PLXDC2: variants seen among roughly 807,000 people sequenced by gnomAD.
PLXDC2 encodes plexin domain-containing protein 2.
In PLXDC2, 40 loss-of-function variants were observed where a neutral mutation model predicts 68.9. That is an observed-to-expected ratio of 0.58 (90% CI 0.45 to 0.76). The LOEUF (loss-of-function observed/expected upper bound fraction) is 0.76, where lower values mean the gene tolerates loss of function less well. Among genes scored for constraint, PLXDC2 ranks in the 30% least tolerant of loss-of-function variants. The probability of loss-of-function intolerance (pLI) is 0.00; values close to 1 mark genes in which losing one functional copy is unlikely to be tolerated. For missense variants in PLXDC2, 644 were observed against 661.9 expected, an observed-to-expected ratio of 0.97 and a Z score of 0.30; for synonymous variants, 243 against 234.2, an observed-to-expected ratio of 1.04 and a Z score of -0.34.
At chr10:20,237,241 T>C (rs1408559701) in intron 12 of PLXDC2, among the ~76,000 whole-genome samples, 1 of 152,148 alleles carries the variant, frequency 6.6e-6, no homozygotes, top group African/African-American at 2.4e-5. Context: ...ACATGAATTG[T>C]GAATGTATTG....
At chr10:20,272,847 G>A (rs1237881264) in intron 13 of PLXDC2, among the ~76,000 whole-genome samples, 1 of 152,140 alleles carries the variant, frequency 6.6e-6, no homozygotes, top group Non-Finnish European at 1.5e-5. Context: ...TTAGTCCAAT[G>A]TTATCACTTA....
chr10:20,082,795 C>T (rs928538061), intron 4 of PLXDC2, among the ~76,000 whole-genome samples: 1 of 152,100 alleles, frequency 6.6e-6, no homozygotes, highest in Non-Finnish European at 1.5e-5. Flanking sequence ...TGAGGATGTT[C>T]AGGTTTTGGA....
At chr10:20,177,277 C>A in intron 8 of PLXDC2, 51 bp from the exon 9 acceptor site, 1 of 1,460,814 alleles carries the variant, frequency 6.8e-7, no homozygotes, top group Non-Finnish European at 9.6e-7. Flanking sequence ...ATCTCTTTCC[C>A]CTCCAAGTTG....
chr10:20,242,395 A>G (rs1359890804), intron 12 of PLXDC2, among the ~76,000 whole-genome samples: 1 of 152,138 alleles, frequency 6.6e-6, no homozygotes, highest in Non-Finnish European at 1.5e-5. Flanking sequence ...GTACTCTCCT[A>G]AGAACTTTAT....
chr10:19,868,445 C>T (rs1837462692), intron 1 of PLXDC2, among the ~76,000 whole-genome samples: 2 of 152,176 alleles, frequency 1.3e-5, no homozygotes, highest in Non-Finnish European at 2.9e-5. Flanking sequence ...CAACGTTTAG[C>T]AAACTATTGG....
intron 3 of PLXDC2, among the ~76,000 whole-genome samples, chr10:20,047,541 T>A (rs2358914): frequency 0.2 from 30,084 of 152,030 alleles, 4,195 homozygotes; most frequent in East Asian, 0.6. Flanking sequence ...CAGACTGATA[T>A]TTTAAACCTG....
At position 19,817,017 on chromosome 10, in the gene PLXDC2, A is replaced by T. The variant is rs1836356751; in HGVS notation, c.-63A>T. ...CGTTTGGCCCGGTCGTGCCTATTGCATCGGGAGCCCCCGAGCACCGGCGAA... is the reference window on the plus strand; with the variant it reads ...CGTTTGGCCCGGTCGTGCCTATTGCTTCGGGAGCCCCCGAGCACCGGCGAA... On this transcript the variant is annotated 5_prime_UTR_variant, in exon 1 of 14. Coordinates refer to ENST00000377252, the MANE Select transcript of PLXDC2 (RefSeq NM_032812.9). 4 of 1,306,908 alleles carry T rather than the reference A, an allele frequency of 3.1e-6. No homozygotes were observed. In the South Asian group the frequency reaches 5.1e-5, roughly 17 times the overall value. 81.0% of individuals were successfully genotyped at this position (1,306,908 alleles called of 1,614,324 possible). A position where few individuals can be genotyped will look rare whatever the true frequency, so the allele number is the denominator to read the frequency against.
intron 13 of PLXDC2, among the ~76,000 whole-genome samples, chr10:20,267,918 C>T (rs1419379146): frequency 6.6e-6 from 1 of 151,522 alleles, no homozygotes; most frequent in African/African-American, 2.4e-5. Context: ...ATATCATTAC[C>T]ATGGTTATCA....
chr10:19,922,231 G>A (rs967836434), intron 1 of PLXDC2, among the ~76,000 whole-genome samples: 10 of 152,186 alleles, frequency 6.6e-5, no homozygotes, highest in Admixed American at 2.6e-4. Flanking sequence ...TCTACAGGCT[G>A]GCAGAGGCTC....
intron 2 of PLXDC2, among the ~76,000 whole-genome samples, chr10:20,012,964 A>G (rs1177251648): frequency 6.6e-6 from 1 of 152,222 alleles, no homozygotes; most frequent in African/African-American, 2.4e-5. Context: ...ATTAAATTGA[A>G]GTAATAGTTT....
At chr10:20,009,877 T>C (rs1835082882) in intron 2 of PLXDC2, among the ~76,000 whole-genome samples, 1 of 151,888 alleles carries the variant, frequency 6.6e-6, no homozygotes, top group South Asian at 2.1e-4. Context: ...AAGTTTGCAA[T>C]GATGCTCCTA....
intron 9 of PLXDC2, among the ~76,000 whole-genome samples, chr10:20,206,348 T>A (rs1834991391): frequency 1.3e-5 from 2 of 152,122 alleles, no homozygotes; most frequent in South Asian, 4.1e-4. Flanking sequence ...AGTGGACATT[T>A]GCACTTGGTG....
At chr10:20,134,649 C>A (rs1297343789) in intron 4 of PLXDC2, among the ~76,000 whole-genome samples, 2 of 152,178 alleles carry the variant, frequency 1.3e-5, no homozygotes, top group Admixed American at 1.3e-4. Context: ...GGGAATCAAC[C>A]TGGCACAAGG....
intron 3 of PLXDC2, among the ~76,000 whole-genome samples, chr10:20,063,239 T>G (rs10827945): frequency 0.15 from 22,208 of 152,194 alleles, 1,897 homozygotes; most frequent in South Asian, 0.3. Flanking sequence ...GATCAGCAAT[T>G]ATTAAAATCA....
At chr10:19,947,757 AT>A (rs1398804817) in intron 1 of PLXDC2, among the ~76,000 whole-genome samples, 1 of 89,088 alleles carries the variant, frequency 1.1e-5, no homozygotes, top group Non-Finnish European at 2.3e-5. Flanking sequence ...TTAACAAGTT[AT>A]AACTTTTACT....
intron 3 of PLXDC2, among the ~76,000 whole-genome samples, chr10:20,057,267 A>G (rs910847911): frequency 1.3e-5 from 2 of 152,174 alleles, no homozygotes; most frequent in African/African-American, 4.8e-5. Flanking sequence ...GAGTAAACAC[A>G]TCTGAAAGCA....
intron 2 of PLXDC2, among the ~76,000 whole-genome samples, chr10:20,040,468 C>T (rs1345641555): frequency 1.3e-5 from 2 of 152,184 alleles, no homozygotes; most frequent in African/African-American, 4.8e-5. Flanking sequence ...TTTCTACTTT[C>T]ATGAATACTC....
chr10:19,982,612 A>T (rs548751811), intron 1 of PLXDC2, among the ~76,000 whole-genome samples: 1 of 152,206 alleles, frequency 6.6e-6, no homozygotes, highest in East Asian at 1.9e-4. Flanking sequence ...AATAGAAAAC[A>T]TGCTCACTAG....
rs138352210 is a variant in PLXDC2, at chr10:19,845,996, A to G, written c.112+28805A>G. ...GCCCTGGAGTTGAATCCCACCTCCT[A>G]CCTCAGTAGGTCTCTATCTATGGAG... is the stretch of plus-strand genomic sequence containing the variant. On this transcript the variant is annotated intron_variant, in intron 1 of 13. Coordinates refer to ENST00000377252, the MANE Select transcript of PLXDC2 (RefSeq NM_032812.9). Among the ~76,000 whole-genome samples the G allele has an allele frequency of 3.4e-3, 518 of 152,160 alleles. 2 individuals carry two copies. The highest frequency in any genetic ancestry group is 6.8e-3 in the Middle Eastern group (2 of 294).
Sources: allele counts gnomAD v4.1 joint callset (sites outside exome capture counted in the v4.1 genomes callset), GRCh38; gene constraint gnomAD v4.1.1; transcripts MANE v1.5; gene names NCBI Gene and HGNC (gene_info 2026-07-23, HGNC 2026-07-21).